Variants in PCDHA7 observed in about 807,000 individuals in gnomAD.
PCDHA7 encodes the protein protocadherin alpha 7, also known as protocadherin alpha-7.
Under a neutral mutation model 57.2 loss-of-function variants are expected in PCDHA7, and 37 were observed. The ratio of observed to expected loss-of-function variants is 0.65; its 90% CI spans 0.50 to 0.85. The LOEUF (loss-of-function observed/expected upper bound fraction) is 0.85. Ranked by LOEUF, PCDHA7 falls within the 40% of genes least tolerant of loss-of-function variation. The pLI is 0.00. For missense variants in PCDHA7, 1,188 were observed against 1,241.8 expected, an observed-to-expected ratio of 0.96 and a Z score of 0.65; for synonymous variants, 553 against 558.8, an observed-to-expected ratio of 0.99 and a Z score of 0.15.
At chr5:140,859,201 G>A (rs1356259348) in intron 1 of PCDHA7, 1 of 149,574 alleles carries the variant, frequency 6.7e-6, no homozygotes. Flanking sequence ...ATGATATTCA[G>A]GTATTAGCTC....
chr5:140,860,428 T>A (rs1198179293), intron 1 of PCDHA7: 8 of 152,144 alleles, frequency 5.3e-5, no homozygotes, highest in African/African-American at 1.4e-4. Context: ...ATCCTGCAAA[T>A]ATGATCTTTT....
chr5:140,936,820 T>C (rs2091164037), intron 1 of PCDHA7, among the ~76,000 whole-genome samples: 1 of 152,236 alleles, frequency 6.6e-6, no homozygotes, highest in Non-Finnish European at 1.5e-5. Flanking sequence ...TTTTTGGCCC[T>C]TTGCATTTCT....
At chr5:140,934,561 TTTAA>T (rs549996624) in intron 1 of PCDHA7, among the ~76,000 whole-genome samples, 1 of 152,208 alleles carries the variant, frequency 6.6e-6, no homozygotes, top group South Asian at 2.1e-4. Flanking sequence ...TCTTCTTTTT[TTTAA>T]TTAATTGTAA....
chr5:140,965,374 G>A (rs1554227648), intron 1 of PCDHA7, among the ~76,000 whole-genome samples: 1 of 152,098 alleles, frequency 6.6e-6, no homozygotes, highest in Admixed American at 6.6e-5. Flanking sequence ...AGGAAACTTG[G>A]GGACACAGAA....
chr5:140,984,304 G>A (rs1587007644), intron 3 of PCDHA7, among the ~76,000 whole-genome samples: 1 of 152,168 alleles, frequency 6.6e-6, no homozygotes, highest in Admixed American at 6.5e-5. Context: ...GATGCTGGTT[G>A]GTGTGTATTC....
intron 1 of PCDHA7, chr5:140,851,460 T>A (rs1270613439): frequency 1.0e-5 from 9 of 901,620 alleles, no homozygotes; most frequent in Non-Finnish European, 1.2e-5. Flanking sequence ...GGAATCAAAT[T>A]ATGTCAATAA....
intron 1 of PCDHA7, among the ~76,000 whole-genome samples, chr5:140,917,324 C>CGGGGGG (rs1299895515): frequency 3.9e-5 from 3 of 76,174 alleles, no homozygotes; most frequent in East Asian, 7.2e-4. Flanking sequence ...GTTCATGTGG[C>CGGGGGG]GGGGGAGGGG....
intron 3 of PCDHA7, among the ~76,000 whole-genome samples, chr5:140,986,987 G>A (rs1269328331): frequency 2.6e-5 from 4 of 152,114 alleles, no homozygotes; most frequent in Non-Finnish European, 4.4e-5. Flanking sequence ...GCCAAGGCAG[G>A]CAGATCACTT....
intron 1 of PCDHA7, chr5:140,858,164 T>C: frequency 6.3e-7 from 1 of 1,597,740 alleles, no homozygotes; most frequent in Non-Finnish European, 8.6e-7. Context: ...CTGCGCGGTG[T>C]CCAGCTTGCT....
chr5:140,972,406 A>T (rs75214457), intron 1 of PCDHA7, among the ~76,000 whole-genome samples: 3,555 of 151,374 alleles, frequency 0.023, 73 homozygotes, highest in Middle Eastern at 0.055. Flanking sequence ...CTATTGGCAA[A>T]CCCTGTTAAG....
At position 140,836,649 on chromosome 5, in the gene PCDHA7, C is replaced by A; in HGVS notation, c.2266C>A (p.Gln756Lys). The A allele has an allele frequency of 2.5e-6, 4 of 1,613,466 alleles. 1 individual carries two copies. The highest frequency in any genetic ancestry group is 3.4e-6 in the Non-Finnish European group (4 of 1,179,602). Residue 756 changes from glutamine to lysine, a missense_variant, in exon 1 of 4, where the codon CAG becomes AAG. By Grantham distance (53) the Gln-to-Lys change is moderately conservative. Transcript: ENST00000525929. ...CTGGTCATTCTCCCAGCAGAGGCGGCAGAGGGTGTGCTCTGGGGAGGGCCC... is the reference window on the plus strand; with the variant it reads ...CTGGTCATTCTCCCAGCAGAGGCGGAAGAGGGTGTGCTCTGGGGAGGGCCC... ...GSWSFSQQRR[Q>K]RVCSGEGPPK...
intron 1 of PCDHA7, chr5:140,871,636 T>G (rs1311531075): frequency 1.5e-6 from 2 of 1,364,670 alleles, no homozygotes; most frequent in African/African-American, 2.9e-5. Flanking sequence ...TGTCTGTTCA[T>G]AAAATACCAA....
At chr5:140,863,444 G>T in intron 1 of PCDHA7, 4 of 585,532 alleles carry the variant, frequency 6.8e-6, no homozygotes, top group South Asian at 1.4e-5. Flanking sequence ...GGTCTTACTC[G>T]CAGCAAAGGA....
chr5:140,856,200 T>G (rs1463727286), intron 1 of PCDHA7: 1 of 1,597,908 alleles, frequency 6.3e-7, no homozygotes, highest in African/African-American at 1.3e-5. Flanking sequence ...GCGCAGGACC[T>G]GGGGCTGGAG....
intron 1 of PCDHA7, chr5:140,870,840 A>G (rs1554164745): frequency 1.9e-6 from 3 of 1,613,712 alleles, no homozygotes; most frequent in Admixed American, 3.3e-5. Context: ...TTAACAAGCT[A>G]GTACCGCGGT....
At chr5:140,989,970 A>C (rs2097368842) in intron 3 of PCDHA7, among the ~76,000 whole-genome samples, 1 of 152,136 alleles carries the variant, frequency 6.6e-6, no homozygotes, top group Non-Finnish European at 1.5e-5. Flanking sequence ...GAGCTTCCTC[A>C]GCAACAGCCC....
intron 1 of PCDHA7, among the ~76,000 whole-genome samples, chr5:140,873,896 G>T (rs111760299): frequency 6.6e-6 from 1 of 152,112 alleles, no homozygotes; most frequent in African/African-American, 2.4e-5. Context: ...CCTGACCTCA[G>T]GTGATCTGCC....
Position 140,843,942 on chromosome 5 carries a change from A to C in PCDHA7, c.2355+7204A>C, listed in dbSNP as rs1779153148. On this transcript the variant is annotated intron_variant, in intron 1 of 3. Transcript: ENST00000525929. ...TTGAAACTCAAGTTATGGTTGGATG[A>C]TATCCATTTTTTACTGAATATTTAT... 11 of 569,722 alleles carry C rather than the reference A, an allele frequency of 1.9e-5. 1 individual carries two copies. The East Asian group carries it at 3.2e-4, about 17-fold the overall frequency. 35.3% of individuals were successfully genotyped at this position (569,722 alleles called of 1,614,324 possible).
At chr5:140,886,923 A>G (rs2061226884) in intron 1 of PCDHA7, among the ~76,000 whole-genome samples, 1 of 151,812 alleles carries the variant, frequency 6.6e-6, no homozygotes, top group Non-Finnish European at 1.5e-5. Context: ...AGTGTTCTCT[A>G]TGTGCCAGGC....
Sources: allele counts gnomAD v4.1 joint callset (sites outside exome capture counted in the v4.1 genomes callset), GRCh38; gene constraint gnomAD v4.1.1; transcripts MANE v1.5; gene names NCBI Gene and HGNC (gene_info 2026-07-23, HGNC 2026-07-21).